RPS6KC1: variants seen among roughly 807,000 people sequenced by gnomAD.
RPS6KC1 encodes the protein inactive ribosomal protein S6 kinase delta-1.
In RPS6KC1, 54 loss-of-function variants were observed where a neutral mutation model predicts 103.8. The observed-to-expected ratio is 0.52, with a 90% CI of 0.42 to 0.65. The LOEUF (loss-of-function observed/expected upper bound fraction) is 0.65, where lower values mean the gene tolerates loss of function less well. RPS6KC1 is among the 30% of genes least tolerant of loss of function. The pLI, the probability that RPS6KC1 is intolerant of heterozygous loss-of-function variation, is 0.00. For synonymous variants in RPS6KC1, 439 were observed against 438.7 expected (o/e 1.00, Z -0.01); for missense variants, 1,151 against 1,253.8 (o/e 0.92, Z 1.24).
intron 5 of RPS6KC1, among the ~76,000 whole-genome samples, chr1:213,122,268 A>G (rs764201693): frequency 1.8e-4 from 28 of 152,148 alleles, no homozygotes; most frequent in Non-Finnish European, 4.4e-5. Context: ...GTGTGTAGAC[A>G]GACATGAAGA....
At chr1:213,555,710 A>G in the RPS6KC1 span, among the ~76,000 whole-genome samples, 23 of 152,246 alleles carry the variant, frequency 1.5e-4, no homozygotes, top group African/African-American at 5.5e-4. Context: ...ACTCTTAAGC[A>G]TATTTAGAAA....
the RPS6KC1 span, among the ~76,000 whole-genome samples, chr1:213,430,591 C>T: frequency 1.3e-5 from 2 of 152,290 alleles, no homozygotes; most frequent in Admixed American, 6.5e-5. Context: ...ATGTAGGAGT[C>T]GGAATATGTG....
chr1:213,104,667 C>T (rs2082309614), intron 4 of RPS6KC1, 98 bp downstream of exon 4: 2 of 572,204 alleles, frequency 3.5e-6, no homozygotes, highest in African/African-American at 2.0e-5. Flanking sequence ...TTTCGTTATT[C>T]ACTATAAAAG....
the RPS6KC1 span, among the ~76,000 whole-genome samples, chr1:213,810,806 T>C: frequency 6.6e-6 from 1 of 152,190 alleles, no homozygotes; most frequent in Non-Finnish European, 1.5e-5. Flanking sequence ...AGTTCTATGA[T>C]ATAAATGTTA....
the RPS6KC1 span, among the ~76,000 whole-genome samples, chr1:213,751,125 AT>A: frequency 8.6e-5 from 13 of 151,966 alleles, no homozygotes; most frequent in Admixed American, 8.5e-4. Context: ...ACCACCATGA[AT>A]TTTCTACACA....
At chr1:213,298,988 C>G in the RPS6KC1 span, among the ~76,000 whole-genome samples, 1 of 152,146 alleles carries the variant, frequency 6.6e-6, no homozygotes, top group African/African-American at 2.4e-5. Flanking sequence ...TCAGGTAGGG[C>G]TGGAATCACC....
At chr1:213,469,529 C>T in the RPS6KC1 span, among the ~76,000 whole-genome samples, 1 of 152,060 alleles carries the variant, frequency 6.6e-6, no homozygotes, top group Non-Finnish European at 1.5e-5. Context: ...GGAGGGAGCC[C>T]TGATTTGTGG....
the RPS6KC1 span, among the ~76,000 whole-genome samples, chr1:213,349,515 G>T: frequency 2.6e-5 from 4 of 152,170 alleles, no homozygotes; most frequent in African/African-American, 9.7e-5. Flanking sequence ...ACACTTTGCA[G>T]CTTACTATAG....
chr1:213,728,569 G>C, the RPS6KC1 span, among the ~76,000 whole-genome samples: 6 of 152,106 alleles, frequency 3.9e-5, no homozygotes, highest in Admixed American at 1.3e-4. Context: ...GGGATTATAA[G>C]AGTACCCACT....
chr1:213,490,809 G>A, the RPS6KC1 span, among the ~76,000 whole-genome samples: 1 of 152,172 alleles, frequency 6.6e-6, no homozygotes, highest in Non-Finnish European at 1.5e-5. Flanking sequence ...TTTGTCTTTG[G>A]GATTGAGGAG....
At chr1:213,269,074 GAC>G (rs2094979693) in intron 14 of RPS6KC1, among the ~76,000 whole-genome samples, 1 of 152,106 alleles carries the variant, frequency 6.6e-6, no homozygotes. Flanking sequence ...GTGCGTGAGA[GAC>G]ACACCTTAAA....
the RPS6KC1 span, among the ~76,000 whole-genome samples, chr1:213,339,646 A>C: frequency 1.3e-5 from 2 of 152,212 alleles, no homozygotes; most frequent in African/African-American, 4.8e-5. Context: ...TACCTCATTT[A>C]ATTCTTGCGG....
chr1:213,827,642 A>T, the RPS6KC1 span, among the ~76,000 whole-genome samples: 1 of 152,164 alleles, frequency 6.6e-6, no homozygotes, highest in Non-Finnish European at 1.5e-5. Context: ...TAGGTGATGC[A>T]TTCTTCAAGA....
chr1:213,837,813 T>C, the RPS6KC1 span, among the ~76,000 whole-genome samples: 12 of 152,252 alleles, frequency 7.9e-5, no homozygotes, highest in South Asian at 6.2e-4. Context: ...ATCAAGTGAA[T>C]ATATTTTGTT....
At chr1:213,624,700 C>T in the RPS6KC1 span, among the ~76,000 whole-genome samples, 3 of 152,174 alleles carry the variant, frequency 2.0e-5, no homozygotes, top group African/African-American at 7.2e-5. Context: ...CTGAGCAGGT[C>T]TGAGGAGGCT....
the RPS6KC1 span, among the ~76,000 whole-genome samples, chr1:213,796,005 C>G: frequency 6.6e-6 from 1 of 152,148 alleles, no homozygotes; most frequent in South Asian, 2.1e-4. Context: ...GACTGTACAA[C>G]AAAGCCGTGG....
intron 12 of RPS6KC1, among the ~76,000 whole-genome samples, chr1:213,244,147 A>G (rs1353792017): frequency 1.3e-5 from 2 of 151,862 alleles, no homozygotes; most frequent in African/African-American, 4.8e-5. Flanking sequence ...TCATGTTAGT[A>G]AATAGGATAA....
chr1:213,547,750 C>G, the RPS6KC1 span, among the ~76,000 whole-genome samples: 1 of 152,190 alleles, frequency 6.6e-6, no homozygotes, highest in Non-Finnish European at 1.5e-5. Context: ...CTTCCTCTTG[C>G]CATGTGGTTC....
the RPS6KC1 span, among the ~76,000 whole-genome samples, chr1:213,570,965 A>G: frequency 6.6e-6 from 1 of 152,240 alleles, no homozygotes; most frequent in Non-Finnish European, 1.5e-5. Context: ...TCATACTCTG[A>G]TAATTAATAC....
Sources: allele counts gnomAD v4.1 joint callset (sites outside exome capture counted in the v4.1 genomes callset), GRCh38; gene constraint gnomAD v4.1.1; transcripts MANE v1.5; gene names NCBI Gene and HGNC (gene_info 2026-07-23, HGNC 2026-07-21).